PSD3: variants seen among roughly 807,000 people sequenced by gnomAD.
The protein encoded by PSD3 is PH and SEC7 domain-containing protein 3.
Under a neutral mutation model 105.5 loss-of-function variants are expected in PSD3, and 49 were observed. That is an observed-to-expected ratio of 0.46 (90% confidence interval 0.37 to 0.59). PSD3 has a LOEUF of 0.59. PSD3 is among the 20% of genes least tolerant of loss of function. The pLI, the probability that PSD3 is intolerant of heterozygous loss-of-function variation, is 0.00. For missense variants in PSD3, 1,561 were observed against 1,263.8 expected (o/e 1.24, Z -3.57); for synonymous variants, 557 against 457.8 (o/e 1.22, Z -2.77).
chr8:18,662,818 G>C (rs11203973), intron 9 of PSD3, among the ~76,000 whole-genome samples: 3,737 of 152,216 alleles, frequency 0.025, 114 homozygotes, highest in East Asian at 0.13. Flanking sequence ...TCAATAGCAT[G>C]ACTACCTGCT....
chr8:18,759,944 AC>A (rs1249845045), intron 9 of PSD3, among the ~76,000 whole-genome samples: 1 of 151,132 alleles, frequency 6.6e-6, no homozygotes, highest in East Asian at 1.9e-4. Context: ...ATTATCAACC[AC>A]CAGAGTTAGA....
chr8:18,734,442 A>G (rs1052929852), intron 9 of PSD3: 1 of 152,180 alleles, frequency 6.6e-6, no homozygotes, highest in Admixed American at 6.5e-5. Context: ...AAAAGACACA[A>G]ATTTTGTTGT....
chr8:19,006,320 A>G (rs555087729), intron 1 of PSD3, among the ~76,000 whole-genome samples: 3 of 151,006 alleles, frequency 2.0e-5, no homozygotes, highest in Non-Finnish European at 4.4e-5. Context: ...AAAAGAATAT[A>G]TAAATACATA....
At position 18,746,776 on chromosome 8, in the gene PSD3, A is replaced by G. The variant is rs545741198; in HGVS notation, c.2172+18673T>C. Among the ~76,000 whole-genome samples, 11 of 152,310 alleles carry G rather than the reference A, an allele frequency of 7.2e-5. No individual in the cohort carries two copies. The South Asian group carries it at 2.1e-3, about 29-fold the overall frequency. On this transcript the variant is annotated intron_variant, in intron 9 of 15. Coordinates refer to ENST00000327040, the MANE Select transcript of PSD3 (RefSeq NM_015310.4). ...TACAAAATACTTAATTTGTAATACA[A>G]TTAGGTTCATTTGTTACTGTTTATA...
chr8:18,552,212 C>T (rs1030313847), intron 15 of PSD3, among the ~76,000 whole-genome samples: 2 of 152,162 alleles, frequency 1.3e-5, no homozygotes, highest in Non-Finnish European at 2.9e-5. Flanking sequence ...TAGTAAATCT[C>T]TTGTAGCCCA....
chr8:19,073,138 T>G (rs570694295), intron 1 of PSD3, among the ~76,000 whole-genome samples: 30 of 70,296 alleles, frequency 4.3e-4, no homozygotes, highest in Non-Finnish European at 9.8e-4. Context: ...AACAGAATGA[T>G]AACCCATTTT....
rs1453794248 is a variant in PSD3, at chr8:18,530,051, C to T, written c.*5692G>A. 1 of 152,498 alleles carries T rather than the reference C, an allele frequency of 6.6e-6. No homozygotes were observed. Among genetic ancestry groups the T allele is most frequent in the Non-Finnish European group, 1.5e-5 (1 of 68,032 alleles). 9.4% of individuals were successfully genotyped at this position (152,498 alleles called of 1,614,324 possible). On this transcript the variant is annotated 3_prime_UTR_variant, in exon 16 of 16. Transcript: ENST00000327040. ...GCAGCCTGGAGCTGAAGTTAGTCTC[C>T]CACCCCACAATTCAAACTCTCTGAA...
At chr8:18,795,867 C>T (rs944270667) in intron 8 of PSD3, among the ~76,000 whole-genome samples, 11 of 152,124 alleles carry the variant, frequency 7.2e-5, no homozygotes, top group Admixed American at 7.2e-4. Flanking sequence ...CAACTCTTAC[C>T]TTGTTGATAG....
chr8:18,636,176 TG>T (rs1376249799), intron 10 of PSD3, among the ~76,000 whole-genome samples: 9 of 152,212 alleles, frequency 5.9e-5, no homozygotes, highest in Non-Finnish European at 8.8e-5. Flanking sequence ...CTGACCCTTG[TG>T]TGGCCCTAAG....
intron 1 of PSD3, among the ~76,000 whole-genome samples, chr8:19,076,098 C>G (rs1253858625): frequency 1.6e-5 from 1 of 63,670 alleles, no homozygotes; most frequent in African/African-American, 3.9e-5. Flanking sequence ...ATGGAGGATG[C>G]TCTCAATAAA....
intron 15 of PSD3, among the ~76,000 whole-genome samples, chr8:18,540,040 C>T (rs972227205): frequency 6.6e-6 from 1 of 152,056 alleles, no homozygotes; most frequent in African/African-American, 2.4e-5. Context: ...GTGCCCAGCC[C>T]CATGAGAGGA....
intron 2 of PSD3, among the ~76,000 whole-genome samples, chr8:18,885,604 C>A (rs1322321904): frequency 6.6e-6 from 1 of 152,184 alleles, no homozygotes; most frequent in African/African-American, 2.4e-5. Context: ...CACGCCACCT[C>A]ACTCAGCCTC....
At chr8:18,732,300 C>A (rs1215526965) in intron 9 of PSD3, among the ~76,000 whole-genome samples, 1 of 152,138 alleles carries the variant, frequency 6.6e-6, no homozygotes. Flanking sequence ...TCTGGACACA[C>A]CGTAAACAGA....
intron 8 of PSD3, among the ~76,000 whole-genome samples, chr8:18,785,831 C>A (rs764507341): frequency 4.6e-5 from 7 of 152,064 alleles, no homozygotes; most frequent in Non-Finnish European, 8.8e-5. Context: ...AATAGGGAGG[C>A]CTGAGGAGAC....
rs146598720 is a variant in PSD3 at position 18,907,489 on chromosome 8, T to C, written c.130+28545A>G. 7.5e-3 allele frequency among the ~76,000 whole-genome samples: 1,145 copies of C among 152,306 alleles called. 20 individuals are homozygous for C. Among genetic ancestry groups the C allele is most frequent in the African/African-American group, 0.026 (1,087 of 41,576 alleles). On this transcript the variant is annotated intron_variant, in intron 2 of 15. Coordinates refer to ENST00000327040, the MANE Select transcript of PSD3 (RefSeq NM_015310.4). Reference sequence around the variant, plus strand: ...TGCACCTGGCCTTTTATCTTTTCTATTGCATTTTTATTGTACCTTTTAAAT... The same window carrying C: ...TGCACCTGGCCTTTTATCTTTTCTACTGCATTTTTATTGTACCTTTTAAAT...
intron 9 of PSD3, among the ~76,000 whole-genome samples, chr8:18,667,436 G>T (rs61411179): frequency 0.1 from 15,900 of 152,082 alleles, 1,335 homozygotes; most frequent in African/African-American, 0.21. Context: ...GTATTCCCAA[G>T]CCCTTAGCTA....
In PSD3 at chr8:18,828,200, T is replaced by C. The variant is rs574147901; in HGVS notation, c.1635-23302A>G. Among the ~76,000 whole-genome samples the C allele has an allele frequency of 1.7e-4, 26 of 151,728 alleles. No individual in the cohort carries two copies. In the South Asian group the frequency reaches 5.2e-3, roughly 30 times the overall value. ...TCATGGTAATTTCCATGTCACAGAT[T>C]TGCCAAAGGAAACATATCATCCTCA... On this transcript the variant is annotated intron_variant, in intron 4 of 15. Transcript: ENST00000327040.
At chr8:19,076,111 T>G (rs57724036) in intron 1 of PSD3, among the ~76,000 whole-genome samples, 120,712 of 151,998 alleles carry the variant, frequency 0.79, 48,673 homozygotes, top group East Asian at 0.86. Flanking sequence ...TCAATAAAAA[T>G]ACGGTGGAAG....
chr8:19,033,190 T>A (rs1030760535), intron 1 of PSD3, among the ~76,000 whole-genome samples: 4 of 152,190 alleles, frequency 2.6e-5, no homozygotes, highest in Non-Finnish European at 4.4e-5. Flanking sequence ...AAAGATGTTA[T>A]GTGATTTTTA....
Sources: gnomAD v4.1 joint callset for allele counts (sites outside exome capture counted in the v4.1 genomes callset) on GRCh38, gnomAD v4.1.1 for gene constraint, MANE v1.5 for transcripts, NCBI Gene and HGNC (gene_info 2026-07-23, HGNC 2026-07-21) for gene names.